Variants in GALNT7 observed in about 807,000 individuals in gnomAD.
GALNT7 encodes polypeptide N-acetylgalactosaminyltransferase 7.
In GALNT7, 60 loss-of-function variants were observed where a neutral mutation model predicts 82.1. The observed-to-expected ratio is 0.73, with a 90% CI of 0.59 to 0.91. The LOEUF is 0.91. Among genes scored for constraint, GALNT7 ranks in the 40% least tolerant of loss-of-function variants. The pLI, the probability that GALNT7 is intolerant of heterozygous loss-of-function variation, is 0.00. For synonymous variants in GALNT7, 243 were observed against 275.1 expected (o/e 0.88, Z 1.15); for missense variants, 660 against 804.2 (o/e 0.82, Z 2.17).
At chr4:173,318,631 G>A (rs1329937793) in intron 11 of GALNT7, 72 bp downstream of exon 11, 7 of 976,768 alleles carry the variant, frequency 7.2e-6, no homozygotes, top group Non-Finnish European at 1.1e-5. Context: ...GTGGAATTTA[G>A]ATAAATAAAT....
Position 173,248,215 on chromosome 4 carries a change from C to T in GALNT7, c.362C>T (p.Thr121Ile). Residue 121 changes from threonine (T) to isoleucine (I), a missense_variant, in exon 2 of 12, where the codon ACC (threonine) becomes ATC (isoleucine). Thr to Ile is a moderately conservative substitution (Grantham distance 89, BLOSUM62 -1). Transcript: ENST00000265000. The part of the protein sequence containing the change: ...QYLTFKPQTF[T>I]YHDPVLRPGI... ...CTCACATTTAAGCCTCAGACATTCACCTACCATGATCCTGTGCTTCGCCCA... is the reference window on the plus strand; with the variant it reads ...CTCACATTTAAGCCTCAGACATTCATCTACCATGATCCTGTGCTTCGCCCA... 1 of 1,613,900 alleles carries T rather than the reference C, an allele frequency of 6.2e-7. No individual in the cohort carries two copies. The highest frequency in any genetic ancestry group is 8.5e-7 in the Non-Finnish European group (1 of 1,179,820).
intron 1 of GALNT7, among the ~76,000 whole-genome samples, chr4:173,176,399 T>C (rs574533509): frequency 4.7e-4 from 71 of 152,286 alleles, no homozygotes; most frequent in Non-Finnish European, 8.1e-4. Flanking sequence ...GATTATTTGT[T>C]TTAGTTTACA....
intron 1 of GALNT7, among the ~76,000 whole-genome samples, chr4:173,213,236 T>C (rs1229878276): frequency 2.0e-5 from 3 of 152,134 alleles, no homozygotes; most frequent in Admixed American, 1.3e-4. Context: ...AGTTTTTTTT[T>C]CCTTCTTATG....
intron 1 of GALNT7, among the ~76,000 whole-genome samples, chr4:173,178,113 A>C (rs1057084526): frequency 3.3e-5 from 5 of 149,712 alleles, no homozygotes; most frequent in Admixed American, 3.3e-4. Context: ...ATCATATATA[A>C]TACTATATAA....
chr4:173,224,296 C>A (rs1287290557), intron 1 of GALNT7, among the ~76,000 whole-genome samples: 1 of 151,766 alleles, frequency 6.6e-6, no homozygotes, highest in East Asian at 1.9e-4. Flanking sequence ...GAATTTTTCC[C>A]ATTATTTTTT....
intron 2 of GALNT7, among the ~76,000 whole-genome samples, chr4:173,274,813 A>C (rs1459128319): frequency 6.6e-6 from 1 of 152,134 alleles, no homozygotes; most frequent in Non-Finnish European, 1.5e-5. Flanking sequence ...AACTCCCTCA[A>C]ATTCACAACT....
chr4:173,233,908 A>C (rs1351081273), intron 1 of GALNT7, among the ~76,000 whole-genome samples: 1 of 152,164 alleles, frequency 6.6e-6, no homozygotes, highest in Non-Finnish European at 1.5e-5. Context: ...ATCCCTTAAC[A>C]GGCAAATCAA....
At chr4:173,219,446 C>T (rs555848463) in intron 1 of GALNT7, among the ~76,000 whole-genome samples, 1 of 152,262 alleles carries the variant, frequency 6.6e-6, no homozygotes, top group East Asian at 1.9e-4. Flanking sequence ...AATTGTGCTG[C>T]TATAAATATG....
At chr4:173,249,682 A>T (rs1041930500) in intron 2 of GALNT7, among the ~76,000 whole-genome samples, 1 of 152,246 alleles carries the variant, frequency 6.6e-6, no homozygotes, top group African/African-American at 2.4e-5. Context: ...TGGTTAAAAA[A>T]TTTAGTATAT....
intron 2 of GALNT7, among the ~76,000 whole-genome samples, chr4:173,259,599 T>C (rs1293702286): frequency 1.3e-5 from 2 of 152,152 alleles, no homozygotes. Context: ...TCCTCTTGAA[T>C]TATCCTCCTT....
chr4:173,247,580 A>G (rs144780539), intron 1 of GALNT7, among the ~76,000 whole-genome samples: 6 of 152,234 alleles, frequency 3.9e-5, no homozygotes, highest in African/African-American at 1.4e-4. Flanking sequence ...GGTTATATTT[A>G]TCACACACGG....
chr4:173,180,403 C>T (rs1317883928), intron 1 of GALNT7, among the ~76,000 whole-genome samples: 1 of 147,384 alleles, frequency 6.8e-6, no homozygotes, highest in African/African-American at 2.5e-5. Context: ...TCTCGACTCA[C>T]TGCAACCTCT....
At chr4:173,305,552 T>G (rs1278641355) in intron 8 of GALNT7, among the ~76,000 whole-genome samples, 2 of 152,224 alleles carry the variant, frequency 1.3e-5, no homozygotes. Flanking sequence ...TTCACGTAAG[T>G]TTTTAATCCA....
At chr4:173,186,514 G>A (rs1042239006) in intron 1 of GALNT7, among the ~76,000 whole-genome samples, 1 of 152,116 alleles carries the variant, frequency 6.6e-6, no homozygotes, top group African/African-American at 2.4e-5. Flanking sequence ...GGTTTAACTT[G>A]CACTTTTATA....
intron 1 of GALNT7, among the ~76,000 whole-genome samples, chr4:173,223,045 C>G (rs569047434): frequency 2.0e-5 from 3 of 152,264 alleles, no homozygotes; most frequent in East Asian, 3.9e-4. Flanking sequence ...CTAGCCTCAG[C>G]ACTTCTCTAC....
chr4:173,240,586 C>G (rs1427548574), intron 1 of GALNT7, among the ~76,000 whole-genome samples: 1 of 152,010 alleles, frequency 6.6e-6, no homozygotes, highest in Admixed American at 6.6e-5. Flanking sequence ...TTAGGCTGGT[C>G]TCGAACTCCA....
intron 1 of GALNT7, chr4:173,169,609 G>A (rs1312042570): frequency 6.6e-6 from 1 of 151,612 alleles, no homozygotes. Flanking sequence ...GGGAGCCGGG[G>A]TGCGATGCGC....
chr4:173,178,894 A>G (rs1732161358), intron 1 of GALNT7, among the ~76,000 whole-genome samples: 2 of 152,214 alleles, frequency 1.3e-5, no homozygotes, highest in South Asian at 4.1e-4. Context: ...ACTATCGGAA[A>G]CCATTTTGTA....
intron 2 of GALNT7, among the ~76,000 whole-genome samples, chr4:173,268,994 T>A (rs762613846): frequency 6.6e-6 from 1 of 152,062 alleles, no homozygotes; most frequent in South Asian, 2.1e-4. Flanking sequence ...CTCAGGTTAA[T>A]CACAGAAATA....
Sources: allele counts gnomAD v4.1 joint callset (sites outside exome capture counted in the v4.1 genomes callset), GRCh38; gene constraint gnomAD v4.1.1; transcripts MANE v1.5; gene names NCBI Gene and HGNC (gene_info 2026-07-23, HGNC 2026-07-21).